Variants in DEFB136 observed in about 807,000 individuals in gnomAD.
DEFB136 encodes beta-defensin 136.
DEFB136 carries 6 observed loss-of-function variants against 2.4 expected under a neutral mutation model. The observed-to-expected ratio is 2.45, with a 90% CI of 1.34 to 4.84. DEFB136 has a LOEUF of 4.84. Among genes scored for constraint, DEFB136 ranks in the 30% most tolerant of loss-of-function variants. The probability of loss-of-function intolerance (pLI) is 0.00; values close to 1 mark genes in which losing one functional copy is unlikely to be tolerated. For synonymous variants in DEFB136, 47 were observed against 35.2 expected, an observed-to-expected ratio of 1.33 and a Z score of -1.18; for missense variants, 126 against 98.4, an observed-to-expected ratio of 1.28 and a Z score of -1.19.
At position 11,974,553 on chromosome 8, in the gene DEFB136, A is replaced by G; in HGVS notation, c.47T>C (p.Leu16Pro). 2 of 1,614,164 alleles carry G rather than the reference A, an allele frequency of 1.2e-6. No individual in the cohort carries two copies. Among genetic ancestry groups the G allele is most frequent in the Non-Finnish European group, 1.7e-6 (2 of 1,179,980 alleles). ...SALLFFLVIL[L>P]PSGKGMFGND... ...CACGCCCACTGTCTTACCTGAAGGC[A>G]GTAAGATCACCAGGAAAAAGAGTAA... is the stretch of plus-strand genomic sequence containing the variant. The change falls in exon 1 of 2, where the codon CTG (leucine) becomes CCG (proline). Residue 16 changes from leucine (L) to proline (P), a missense_variant. Coordinates refer to ENST00000382209, the MANE Select transcript of DEFB136 (RefSeq NM_001033018.2).
Position 11,974,019 on chromosome 8 carries a change from G to A in DEFB136, c.155C>T (p.Ala52Val), listed in dbSNP as rs762547832. The change falls in exon 2 of 2, where the codon GCG becomes GTG. Residue 52 changes from alanine (A) to valine (V), a missense_variant. Ala to Val is a moderately conservative substitution (Grantham distance 64). Coordinates refer to ENST00000382209, the MANE Select transcript of DEFB136 (RefSeq NM_001033018.2). Reference sequence around the variant, plus strand: ...GCAAGACAGAATATTGTGGCAGAACGCAATCCACCTGTATCCTGGCGGACA... The same window carrying A: ...GCAAGACAGAATATTGTGGCAGAACACAATCCACCTGTATCCTGGCGGACA... ...FGCPPGYRWI[A>V]FCHNILSCCK... 4.3e-6 allele frequency: 7 copies of A among 1,611,514 alleles called. No individual in the cohort carries two copies. The highest frequency in any genetic ancestry group is 2.2e-5 in the South Asian group (2 of 90,500).
At chr8:11,974,201 T>A in intron 1 of DEFB136, 83 bp from the exon 2 acceptor site, 1 of 1,445,586 alleles carries the variant, frequency 6.9e-7, no homozygotes, top group Non-Finnish European at 9.3e-7. Flanking sequence ...CACCTCCTGG[T>A]TGATGGCTTG....
chr8:11,974,400 C>G, intron 1 of DEFB136, 145 bp downstream of exon 1: 1 of 1,017,606 alleles, frequency 9.8e-7, no homozygotes, highest in Non-Finnish European at 1.5e-6. Flanking sequence ...AGGGCAGGAG[C>G]TGGGGTCCGC....
At position 11,974,129 on chromosome 8, in the gene DEFB136, G is replaced by GA; in HGVS notation, c.56-12dup. 1 of 1,543,816 alleles carries GA rather than the reference G, an allele frequency of 6.5e-7. No homozygotes were observed. On this transcript the variant is annotated splice_polypyrimidine_tract_variant and intron_variant, in intron 1 of 1. Coordinates refer to ENST00000382209, the MANE Select transcript of DEFB136 (RefSeq NM_001033018.2). ...CAAACATACCTTTTCCTGAAGCGGGGAGAGACCACAGAAAAGAAAAATCAA... is the reference window on the plus strand; with the variant it reads ...CAAACATACCTTTTCCTGAAGCGGGGAAGAGACCACAGAAAAGAAAAATCAA...
At position 11,974,008 on chromosome 8, in the gene DEFB136, T is replaced by A; in HGVS notation, c.166A>T (p.Asn56Tyr). Residue 56 changes from asparagine (N) to tyrosine (Y), a missense_variant, in exon 2 of 2, where the codon AAT becomes TAT. Asn to Tyr is a moderately radical substitution (Grantham distance 143). Transcript: ENST00000382209. ...ATATTTTTACAGCAAGACAGAATATTGTGGCAGAACGCAATCCACCTGTAT... is the reference window on the plus strand; with the variant it reads ...ATATTTTTACAGCAAGACAGAATATAGTGGCAGAACGCAATCCACCTGTAT... ...PGYRWIAFCH[N>Y]ILSCCKNMTR... The A allele has an allele frequency of 6.2e-7, 1 of 1,611,968 alleles. No homozygotes were observed. Among genetic ancestry groups the A allele is most frequent in the Non-Finnish European group, 8.5e-7 (1 of 1,179,082 alleles).
chr8:11,974,404 G>C, intron 1 of DEFB136, 141 bp downstream of exon 1: 1 of 1,050,370 alleles, frequency 9.5e-7, no homozygotes, highest in Non-Finnish European at 1.4e-6. Context: ...CAGGAGCTGG[G>C]GTCCGCTCAC....
rs752206698 is a variant in DEFB136 at position 11,973,941 on chromosome 8, T to G, written c.233A>C (p.His78Pro). 1.3e-6 allele frequency: 2 copies of G among 1,579,400 alleles called. No individual in the cohort carries two copies. Among genetic ancestry groups the G allele is most frequent in the Non-Finnish European group, 1.7e-6 (2 of 1,163,354 alleles). Residue 78 changes from histidine (H) to proline (P), a missense_variant, in exon 2 of 2, where the codon CAT becomes CCT. Transcript: ENST00000382209. ...TTGAGCCATTCACATATCCTTTTAA[T>G]GAACCCATGGATCTTTGGCTTGCGG... Reference protein sequence around the residue: ...QPPQAKDPWVH With the variant: ...QPPQAKDPWVP
intron 1 of DEFB136, 48 bp from the exon 2 acceptor site, chr8:11,974,166 C>G: frequency 6.6e-7 from 1 of 1,504,620 alleles, no homozygotes; most frequent in Non-Finnish European, 8.9e-7. Context: ...CTTAATGAGG[C>G]TGGGAGAAAT....
In DEFB136 at chr8:11,974,126, G is replaced by T. The variant is rs367859071; in HGVS notation, c.56-8C>A. On this transcript the variant is annotated splice_region_variant and splice_polypyrimidine_tract_variant and intron_variant, in intron 1 of 1. Transcript: ENST00000382209. ...TCCCAAACATACCTTTTCCTGAAGC[G>T]GGGAGAGACCACAGAAAAGAAAAAT... 8 of 1,546,864 alleles carry T rather than the reference G, an allele frequency of 5.2e-6. No homozygotes were observed. In the Admixed American group the frequency reaches 1.0e-4, roughly 20 times the overall value.
chr8:11,974,103 C>G lies in DEFB136; in HGVS notation c.71G>C (p.Gly24Ala). Residue 24 changes from glycine (G) to alanine (A), a missense_variant, in exon 2 of 2, where the codon GGG becomes GCG. Physicochemically the swap from Gly to Ala is moderately conservative, Grantham distance 60 (BLOSUM62 0). Coordinates refer to ENST00000382209, the MANE Select transcript of DEFB136 (RefSeq NM_001033018.2). Reference sequence around the variant, plus strand: ...GGTGCGAACTTTGACTCCATCATTCCCAAACATACCTTTTCCTGAAGCGGG... The same window carrying G: ...GGTGCGAACTTTGACTCCATCATTCGCAAACATACCTTTTCCTGAAGCGGG... ...ILLPSGKGMF[G>A]NDGVKVRTCT... 1 of 1,572,288 alleles carries G rather than the reference C, an allele frequency of 6.4e-7. No homozygotes were observed. The highest frequency in any genetic ancestry group is 1.7e-4 in the Middle Eastern group (1 of 5,892).
intron 1 of DEFB136, 125 bp from the exon 2 acceptor site, chr8:11,974,243 A>C: frequency 8.0e-7 from 1 of 1,257,532 alleles, no homozygotes; most frequent in Non-Finnish European, 1.1e-6. Flanking sequence ...TCTTATCACA[A>C]CTCAGCAAGG....
rs199510261 is a variant in DEFB136, at chr8:11,974,110, T to G, written c.64A>C (p.Met22Leu). 2 of 1,569,220 alleles carry G rather than the reference T, an allele frequency of 1.3e-6. No individual in the cohort carries two copies. The highest frequency in any genetic ancestry group is 1.7e-6 in the Non-Finnish European group (2 of 1,159,384). ...ACTTTGACTCCATCATTCCCAAACA[T>G]ACCTTTTCCTGAAGCGGGGAGAGAC... is the stretch of plus-strand genomic sequence containing the variant. ...LVILLPSGKG[M>L]FGNDGVKVRT... The change falls in exon 2 of 2, where the codon ATG (methionine) becomes CTG (leucine). Residue 22 changes from methionine (M) to leucine (L), a missense_variant. Met to Leu is a conservative substitution (Grantham distance 15). Transcript: ENST00000382209.
intron 1 of DEFB136, 77 bp from the exon 2 acceptor site, chr8:11,974,195 T>A: frequency 1.4e-6 from 2 of 1,458,352 alleles, no homozygotes; most frequent in Non-Finnish European, 9.2e-7. Context: ...TGCCATCACC[T>A]CCTGGTTGAT....
chr8:11,974,253 G>A (rs1799549807), intron 1 of DEFB136, 135 bp from the exon 2 acceptor site: 2 of 1,208,342 alleles, frequency 1.7e-6, no homozygotes, highest in Admixed American at 2.6e-5. Flanking sequence ...ACTCAGCAAG[G>A]CAGATAAAGC....
At position 11,974,594 on chromosome 8, in the gene DEFB136, G is replaced by C; in HGVS notation, c.6C>G (p.Asn2Lys). Residue 2 changes from asparagine to lysine, a missense_variant, in exon 1 of 2, where the codon AAC becomes AAG. Coordinates refer to ENST00000382209, the MANE Select transcript of DEFB136 (RefSeq NM_001033018.2). M[N>K]LCLSALLFFL... ...AAAAGAGTAATGCAGAAAGACAGAG[G>C]TTCATGGCCGAAGAGGGCACAGAGT... is the stretch of plus-strand genomic sequence containing the variant. 1.9e-6 allele frequency: 3 copies of C among 1,614,048 alleles called. No individual in the cohort carries two copies. Among genetic ancestry groups the C allele is most frequent in the Non-Finnish European group, 2.5e-6 (3 of 1,179,992 alleles).
rs1484675428 is a variant in DEFB136, at chr8:11,973,946, C to G, written c.228G>C (p.Trp76Cys). ...RFQPPQAKDP[W>C]VH is the part of the protein sequence containing the mutation. ...CCATTCACATATCCTTTTAATGAAC[C>G]CATGGATCTTTGGCTTGCGGGGGTT... The change falls in exon 2 of 2, where the codon TGG becomes TGC. Residue 76 changes from tryptophan to cysteine, a missense_variant. By Grantham distance (215) the Trp-to-Cys change is radical (BLOSUM62 -2). Transcript: ENST00000382209. 6.3e-7 allele frequency: 1 copy of G among 1,588,258 alleles called. No homozygotes were observed. Among genetic ancestry groups the G allele is most frequent in the Admixed American group, 1.8e-5 (1 of 56,678 alleles).
At chr8:11,974,214 A>G in intron 1 of DEFB136, 96 bp from the exon 2 acceptor site, 2 of 1,421,570 alleles carry the variant, frequency 1.4e-6, no homozygotes, top group Non-Finnish European at 1.9e-6. Flanking sequence ...ATGGCTTGTT[A>G]GTTGTGATTT....
intron 1 of DEFB136, 40 bp downstream of exon 1, chr8:11,974,505 A>AC: frequency 6.2e-7 from 1 of 1,609,760 alleles, no homozygotes; most frequent in Non-Finnish European, 8.5e-7. Flanking sequence ...ATCTTTGGGA[A>AC]CACCCACTTT....
intron 1 of DEFB136, 93 bp downstream of exon 1, chr8:11,974,452 C>T (rs531783404): frequency 1.5e-5 from 21 of 1,445,604 alleles, no homozygotes; most frequent in Non-Finnish European, 2.0e-5. Flanking sequence ...ATATTGGTGT[C>T]CTGTTGCTGG....
Sources: allele counts gnomAD v4.1 joint callset, GRCh38; gene constraint gnomAD v4.1.1; transcripts MANE v1.5; gene names NCBI Gene and HGNC (gene_info 2026-07-23, HGNC 2026-07-21).